The following VPS45 variants were observed in gnomAD, a reference collection of about 807,000 sequenced individuals.
VPS45 encodes vacuolar protein sorting-associated protein 45.
In VPS45, 35 loss-of-function variants were observed where a neutral mutation model predicts 75.9. The observed-to-expected ratio is 0.46, with a 90% confidence interval of 0.35 to 0.61. The LOEUF (loss-of-function observed/expected upper bound fraction) is 0.61. VPS45 is among the 20% of genes least tolerant of loss of function. The probability of loss-of-function intolerance (pLI) is 0.00; values close to 1 mark genes in which losing one functional copy is unlikely to be tolerated. For synonymous variants in VPS45, 220 were observed against 238.2 expected, an observed-to-expected ratio of 0.92 and a Z score of 0.70; for missense variants, 559 against 685.9, an observed-to-expected ratio of 0.81 and a Z score of 2.07.
At chr1:150,127,267 G>A (rs931471563) in intron 14 of VPS45, among the ~76,000 whole-genome samples, 2 of 151,656 alleles carry the variant, frequency 1.3e-5, no homozygotes, top group South Asian at 2.1e-4. Context: ...TTTGTGACTT[G>A]CACTGCTTTA....
intron 14 of VPS45, chr1:150,142,898 C>T (rs1173807398): frequency 4.4e-6 from 2 of 449,610 alleles, no homozygotes; most frequent in Non-Finnish European, 8.9e-6. Flanking sequence ...AGCGATCCAC[C>T]CGCCTCAGCC....
intron 13 of VPS45, among the ~76,000 whole-genome samples, chr1:150,106,816 CCA>C (rs782168960): frequency 1.2e-4 from 19 of 152,098 alleles, no homozygotes; most frequent in Non-Finnish European, 2.4e-4. Context: ...ATAAAGAAGC[CCA>C]CAGTCACTGT....
chr1:150,084,326 G>C (rs1394391035), intron 10 of VPS45, among the ~76,000 whole-genome samples: 1 of 152,134 alleles, frequency 6.6e-6, no homozygotes, highest in East Asian at 1.9e-4. Flanking sequence ...CAGTATTTTA[G>C]GAAATGTAAC....
chr1:150,092,275 T>A, intron 11 of VPS45, 27 bp from the exon 12 acceptor site: 1 of 1,607,062 alleles, frequency 6.2e-7, no homozygotes, highest in Non-Finnish European at 8.5e-7. Context: ...GCCTAAGCAA[T>A]CAAAATTTGC....
intron 14 of VPS45, among the ~76,000 whole-genome samples, chr1:150,127,348 G>A (rs183962606): frequency 1.3e-4 from 19 of 148,984 alleles, no homozygotes; most frequent in Admixed American, 1.2e-3. Context: ...ACAGGGTCTC[G>A]CTCTGTTGCC....
chr1:150,117,603 A>T (rs60109648), intron 14 of VPS45, among the ~76,000 whole-genome samples: 3,741 of 152,260 alleles, frequency 0.025, 147 homozygotes, highest in African/African-American at 0.084. Flanking sequence ...TCAGGCCTGT[A>T]ATCCCAGCAC....
chr1:150,129,780 T>C (rs1022973087), intron 14 of VPS45, among the ~76,000 whole-genome samples: 1 of 151,456 alleles, frequency 6.6e-6, no homozygotes, highest in Admixed American at 6.6e-5. Context: ...CTCAAAGTCC[T>C]GACCTCAAGT....
intron 14 of VPS45, among the ~76,000 whole-genome samples, chr1:150,123,910 C>A (rs1658367306): frequency 6.6e-6 from 1 of 152,158 alleles, no homozygotes; most frequent in Admixed American, 6.5e-5. Context: ...AAAGACATAT[C>A]CTGCTAGAAG....
At chr1:150,115,329 A>C (rs1222279100) in intron 14 of VPS45, among the ~76,000 whole-genome samples, 2 of 152,146 alleles carry the variant, frequency 1.3e-5, no homozygotes, top group African/African-American at 2.4e-5. Context: ...TAATTTGTCT[A>C]CTAAGTCCAC....
At chr1:150,141,928 G>T (rs1659410492) in intron 14 of VPS45, among the ~76,000 whole-genome samples, 1 of 152,152 alleles carries the variant, frequency 6.6e-6, no homozygotes, top group South Asian at 2.1e-4. Context: ...TTTTGAGTTT[G>T]CTTTTAAGTG....
At chr1:150,072,130 T>C in intron 2 of VPS45, 36 bp from the exon 3 acceptor site, 2 of 1,576,896 alleles carry the variant, frequency 1.3e-6, no homozygotes, top group Non-Finnish European at 1.7e-6. Context: ...TAAGCAACTC[T>C]CCTCATATTT....
intron 14 of VPS45, among the ~76,000 whole-genome samples, chr1:150,125,000 G>A (rs1553810417): frequency 6.6e-6 from 1 of 151,444 alleles, no homozygotes; most frequent in East Asian, 1.9e-4. Context: ...AATCTTAATG[G>A]CTATATAATT....
At chr1:150,078,488 G>A (rs1274809131) in intron 7 of VPS45, among the ~76,000 whole-genome samples, 5 of 152,130 alleles carry the variant, frequency 3.3e-5, no homozygotes, top group African/African-American at 7.2e-5. Context: ...GGCCGGGCAC[G>A]GTCGCTCACG....
At chr1:150,093,502 T>C (rs1300925813) in intron 12 of VPS45, 25 bp from the exon 13 acceptor site, 4 of 1,605,186 alleles carry the variant, frequency 2.5e-6, no homozygotes, top group Non-Finnish European at 3.4e-6. Context: ...AAAAATGACA[T>C]AAGAACCATT....
At chr1:150,077,335 T>C in intron 6 of VPS45, 104 bp downstream of exon 6, 1 of 1,415,990 alleles carries the variant, frequency 7.1e-7, no homozygotes, top group Non-Finnish European at 9.6e-7. Context: ...AGGAGATGAT[T>C]GTATGTTAGG....
At chr1:150,134,490 T>A (rs61807307) in intron 14 of VPS45, among the ~76,000 whole-genome samples, 5,014 of 152,298 alleles carry the variant, frequency 0.033, 133 homozygotes, top group Non-Finnish European at 0.049. Flanking sequence ...GATGTATCCA[T>A]GTGTTCCTCT....
chr1:150,122,166 C>T (rs1266248800), intron 14 of VPS45, among the ~76,000 whole-genome samples: 2 of 152,114 alleles, frequency 1.3e-5, no homozygotes, highest in African/African-American at 4.8e-5. Flanking sequence ...CCTAAAAATA[C>T]AAAAATTAGC....
rs1553816172 is a variant in VPS45, at chr1:150,144,777, G to A, written c.1694G>A (p.Arg565Lys). 7 of 1,614,172 alleles carry A rather than the reference G, an allele frequency of 4.3e-6. 1 individual carries two copies. In the South Asian group the frequency reaches 6.6e-5, roughly 15 times the overall value. Residue 565 changes from arginine to lysine, a missense_variant, in exon 15 of 15, where the codon AGG (arginine) becomes AAG (lysine). Coordinates refer to ENST00000644510, the MANE Select transcript of VPS45 (RefSeq NM_007259.5). ...AAGGAGAGCTCTCAAGTCACATCAAGGTCAGCGAGCAGAAGATGAAACGGT... is the reference window on the plus strand; with the variant it reads ...AAGGAGAGCTCTCAAGTCACATCAAAGTCAGCGAGCAGAAGATGAAACGGT... The part of the protein sequence containing the change: ...RSKESSQVTS[R>K]SASRR
At chr1:150,097,863 G>T (rs1553803374) in intron 13 of VPS45, among the ~76,000 whole-genome samples, 2 of 151,938 alleles carry the variant, frequency 1.3e-5, no homozygotes, top group South Asian at 2.1e-4. Context: ...TTGTTTGTTT[G>T]TTTTTTTGAG....
Sources: gnomAD v4.1 joint callset for allele counts (sites outside exome capture counted in the v4.1 genomes callset) on GRCh38, gnomAD v4.1.1 for gene constraint, MANE v1.5 for transcripts, NCBI Gene and HGNC (gene_info 2026-07-23, HGNC 2026-07-21) for gene names.